Variants in KLHL4 observed in about 807,000 individuals in gnomAD.
The protein encoded by KLHL4 is kelch like family member 4.
KLHL4 carries 17 observed loss-of-function variants against 45.8 expected under a neutral mutation model. The ratio of observed to expected loss-of-function variants is 0.37; its 90% confidence interval spans 0.25 to 0.56. The LOEUF (loss-of-function observed/expected upper bound fraction) is 0.56. Among genes scored for constraint, KLHL4 ranks in the 20% least tolerant of loss-of-function variants. The pLI is 0.79. For synonymous variants in KLHL4, 224 were observed against 189.9 expected (o/e 1.18, Z -1.47); for missense variants, 544 against 544.9 (o/e 1.00, Z 0.02).
At chrX:87,556,860 T>G (rs1364608261) in intron 1 of KLHL4, among the ~76,000 whole-genome samples, 1 of 111,130 alleles carries the variant, frequency 9.0e-6, no homozygotes, top group Non-Finnish European at 1.9e-5. Context: ...CATGCAGGAT[T>G]TTTTTGATAA....
intron 5 of KLHL4, among the ~76,000 whole-genome samples, chrX:87,624,394 G>C (rs1476762555): frequency 1.8e-5 from 2 of 112,037 alleles, no homozygotes; most frequent in Admixed American, 9.5e-5. Context: ...TCTCTGAAGA[G>C]TATTTTTAGG....
chrX:87,568,772 T>C (rs1932275648), intron 1 of KLHL4, among the ~76,000 whole-genome samples: 1 of 111,681 alleles, frequency 9.0e-6, no homozygotes, highest in African/African-American at 3.2e-5. Flanking sequence ...CAGTAAATGC[T>C]GTTGGGAAAA....
At chrX:87,565,285 G>T (rs1932181565) in intron 1 of KLHL4, among the ~76,000 whole-genome samples, 1 of 111,785 alleles carries the variant, frequency 8.9e-6, no homozygotes, top group Admixed American at 9.5e-5. Flanking sequence ...CACAAATTGT[G>T]CAGAAAAAGA....
At chrX:87,628,909 C>G (rs1243705800) in intron 6 of KLHL4, among the ~76,000 whole-genome samples, 1 of 111,750 alleles carries the variant, frequency 8.9e-6, no homozygotes, top group Non-Finnish European at 1.9e-5. Flanking sequence ...TAAGTATAAT[C>G]ATAGAGTCAA....
At chrX:87,658,597 C>A (rs1189743052) in intron 9 of KLHL4, among the ~76,000 whole-genome samples, 1 of 111,400 alleles carries the variant, frequency 9.0e-6, no homozygotes, top group East Asian at 2.8e-4. Flanking sequence ...CCATCTCATG[C>A]ACTGGGGACT....
chrX:87,666,204 T>A (rs771950429), intron 10 of KLHL4, among the ~76,000 whole-genome samples: 10 of 111,164 alleles, frequency 9.0e-5, no homozygotes, highest in African/African-American at 3.3e-4. Flanking sequence ...GTTAGTATAA[T>A]TTGGTGTAAT....
At chrX:87,656,626 G>T (rs1054501535) in intron 9 of KLHL4, among the ~76,000 whole-genome samples, 1 of 108,295 alleles carries the variant, frequency 9.2e-6, no homozygotes, top group Non-Finnish European at 1.9e-5. Flanking sequence ...TTGGTTTTCA[G>T]CTTTCTCTTG....
rs187177949 is a variant in KLHL4, at chrX:87,565,984, G to A, written c.422+47669G>A. ...TTGAGGGGTGGGGGGCGAGAGGAGAGAACTTAGAGGACAGGTCAATAGGTG... is the reference window on the plus strand; with the variant it reads ...TTGAGGGGTGGGGGGCGAGAGGAGAAAACTTAGAGGACAGGTCAATAGGTG... On this transcript the variant is annotated intron_variant, in intron 1 of 10. Transcript: ENST00000373119. Among the ~76,000 whole-genome samples, 21 of 110,343 alleles carry A rather than the reference G, an allele frequency of 1.9e-4. No individual in the cohort carries two copies. In the East Asian group the frequency reaches 6.0e-3, roughly 32 times the overall value.
At chrX:87,652,214 C>G (rs939210868) in intron 9 of KLHL4, among the ~76,000 whole-genome samples, 22 of 112,148 alleles carry the variant, frequency 2.0e-4, no homozygotes, top group African/African-American at 6.8e-4. Context: ...TCCCCCTAGG[C>G]CTCCAGGCCT....
intron 1 of KLHL4, among the ~76,000 whole-genome samples, chrX:87,546,750 G>T (rs1463765731): frequency 8.9e-6 from 1 of 112,750 alleles, no homozygotes; most frequent in African/African-American, 3.2e-5. Flanking sequence ...GGGTGGAGCT[G>T]CTCAAGGATG....
At chrX:87,609,552 T>A (rs957808600) in intron 1 of KLHL4, among the ~76,000 whole-genome samples, 1 of 112,395 alleles carries the variant, frequency 8.9e-6, no homozygotes, top group Non-Finnish European at 1.9e-5. Flanking sequence ...GCTGCATAAA[T>A]GTCTTCTTTT....
At chrX:87,556,212 C>T (rs1438833362) in intron 1 of KLHL4, among the ~76,000 whole-genome samples, 1 of 110,829 alleles carries the variant, frequency 9.0e-6, no homozygotes, top group Admixed American at 9.8e-5. Context: ...GCTATAAAGA[C>T]ACATGCACAC....
In KLHL4 at chrX:87,618,176, TTATAA is replaced by T. The variant is rs374068562; in HGVS notation, c.924+51_924+55del. 14 of 970,660 alleles carry T rather than the reference TTATAA, an allele frequency of 1.4e-5. No individual in the cohort carries two copies. In the African/African-American group the frequency reaches 2.5e-4, roughly 18 times the overall value. The allele number at this position is 970,660 out of a possible 1,213,427, so 80.0% of individuals were successfully genotyped here. A position where few individuals can be genotyped will look rare whatever the true frequency, so the allele number is the denominator to read the frequency against. The stretch of plus-strand genomic sequence containing the variant: ...AACTTGTAGTAAAAATATGTTAATG[TTATAA>T]TAAAATTAATAAGCAACATAAACTT... On this transcript the variant is annotated intron_variant, in intron 4 of 10. Transcript: ENST00000373119.
intron 1 of KLHL4, among the ~76,000 whole-genome samples, chrX:87,524,779 A>G (rs1438690248): frequency 8.9e-6 from 1 of 112,326 alleles, no homozygotes; most frequent in Non-Finnish European, 1.9e-5. Context: ...TATTTACGAT[A>G]CTAACAAAAT....
At position 87,588,875 on chromosome X, in the gene KLHL4, A is replaced by G. The variant is rs1049427459; in HGVS notation, c.423-25002A>G. 7.2e-5 allele frequency among the ~76,000 whole-genome samples: 8 copies of G among 111,164 alleles called. No homozygotes were observed. In the East Asian group the frequency reaches 2.3e-3, roughly 31 times the overall value. On this transcript the variant is annotated intron_variant, in intron 1 of 10. Coordinates refer to ENST00000373119, the MANE Select transcript of KLHL4 (RefSeq NM_019117.5). ...GAAGAGGAAGAGGAAGAAAAATAAGATTATTTCAAGTTAAAAAGCTGCATA... is the reference window on the plus strand; with the variant it reads ...GAAGAGGAAGAGGAAGAAAAATAAGGTTATTTCAAGTTAAAAAGCTGCATA...
intron 1 of KLHL4, among the ~76,000 whole-genome samples, chrX:87,561,716 C>A (rs6617432): frequency 0.25 from 27,055 of 108,938 alleles, 2,896 homozygotes; most frequent in East Asian, 0.51. Flanking sequence ...AACTTCAGGC[C>A]GTGCTGCTTG....
chrX:87,638,127 CCAATCCGA>C (rs1270619335), intron 9 of KLHL4, among the ~76,000 whole-genome samples: 9 of 109,528 alleles, frequency 8.2e-5, no homozygotes. Context: ...TCAAATTAAC[CCAATCCGA>C]CAAAGATAAA....
intron 1 of KLHL4, among the ~76,000 whole-genome samples, chrX:87,594,494 G>C (rs1183462988): frequency 9.0e-6 from 1 of 111,514 alleles, no homozygotes; most frequent in Non-Finnish European, 1.9e-5. Flanking sequence ...GCAGTGTGTA[G>C]TTTCACACTT....
chrX:87,624,663 A>C (rs902411594), intron 5 of KLHL4, among the ~76,000 whole-genome samples: 1 of 111,828 alleles, frequency 8.9e-6, no homozygotes, highest in African/African-American at 3.2e-5. Flanking sequence ...CTCCAAGGGA[A>C]CCAATCTAAG....
Sources: gnomAD v4.1 joint callset for allele counts (sites outside exome capture counted in the v4.1 genomes callset) on GRCh38, gnomAD v4.1.1 for gene constraint, MANE v1.5 for transcripts, NCBI Gene and HGNC (gene_info 2026-07-23, HGNC 2026-07-21) for gene names.